The following ROBO1 variants were observed in gnomAD, a reference collection of about 807,000 sequenced individuals.
ROBO1 encodes the protein roundabout guidance receptor 1.
Under a neutral mutation model 195.9 loss-of-function variants are expected in ROBO1, and 149 were observed. That is an observed-to-expected ratio of 0.76 (90% CI 0.67 to 0.87). The LOEUF is 0.87. ROBO1 is among the 40% of genes least tolerant of loss of function. The pLI, the probability that ROBO1 is intolerant of heterozygous loss-of-function variation, is 0.00. For synonymous variants in ROBO1, 816 were observed against 733.2 expected, an observed-to-expected ratio of 1.11 and a Z score of -1.82; for missense variants, 1,933 against 2,068.3, an observed-to-expected ratio of 0.93 and a Z score of 1.27.
chr3:79,009,956 A>T (rs1216504064), intron 3 of ROBO1, among the ~76,000 whole-genome samples: 5 of 152,192 alleles, frequency 3.3e-5, no homozygotes, highest in Non-Finnish European at 7.3e-5. Context: ...TTTCAAATTT[A>T]TTCCACAAAC....
intron 1 of ROBO1, among the ~76,000 whole-genome samples, chr3:79,728,276 CT>C (rs935170054): frequency 1.3e-4 from 20 of 151,868 alleles, no homozygotes; most frequent in African/African-American, 4.6e-4. Context: ...GGTATCTCAC[CT>C]TTTGGTAGAT....
At chr3:78,946,551 A>C (rs374514735) in intron 3 of ROBO1, among the ~76,000 whole-genome samples, 1 of 152,202 alleles carries the variant, frequency 6.6e-6, no homozygotes, top group African/African-American at 2.4e-5. Flanking sequence ...ACAACTGGTA[A>C]CAGCCACTGC....
At chr3:79,089,889 T>C (rs2079443294) in intron 3 of ROBO1, among the ~76,000 whole-genome samples, 1 of 152,088 alleles carries the variant, frequency 6.6e-6, no homozygotes, top group East Asian at 1.9e-4. Context: ...ACGACAGTTG[T>C]TTGCATTTTG....
chr3:79,449,512 G>T (rs1171508068), intron 2 of ROBO1, among the ~76,000 whole-genome samples: 1 of 152,088 alleles, frequency 6.6e-6, no homozygotes, highest in African/African-American at 2.4e-5. Flanking sequence ...ACGACCCTGT[G>T]TACATTTTGA....
chr3:78,793,533 A>T (rs887875147), intron 4 of ROBO1, among the ~76,000 whole-genome samples: 1 of 152,194 alleles, frequency 6.6e-6, no homozygotes, highest in Non-Finnish European at 1.5e-5. Context: ...GTCTAATTGC[A>T]GGTACATGAT....
intron 8 of ROBO1, among the ~76,000 whole-genome samples, chr3:78,703,886 A>G (rs928519154): frequency 6.6e-6 from 1 of 152,084 alleles, no homozygotes; most frequent in African/African-American, 2.4e-5. Context: ...TAGTGACTTT[A>G]GTGGGCATCT....
At chr3:79,390,376 G>A (rs560474523) in intron 2 of ROBO1, among the ~76,000 whole-genome samples, 2 of 152,200 alleles carry the variant, frequency 1.3e-5, no homozygotes, top group East Asian at 3.9e-4. Context: ...GGATTAGCAA[G>A]TGACTCTACA....
intron 3 of ROBO1, among the ~76,000 whole-genome samples, chr3:78,991,640 G>T (rs925696270): frequency 3.9e-5 from 6 of 152,196 alleles, no homozygotes; most frequent in Non-Finnish European, 8.8e-5. Flanking sequence ...CTTCCTTGCT[G>T]ATCCCAGTAA....
At chr3:78,616,565 G>A (rs1443721603) in intron 27 of ROBO1, among the ~76,000 whole-genome samples, 1 of 151,894 alleles carries the variant, frequency 6.6e-6, no homozygotes, top group Admixed American at 6.6e-5. Context: ...AAAAAATAAT[G>A]GCCAATCCAA....
At chr3:79,150,839 G>A (rs1159188267) in intron 2 of ROBO1, among the ~76,000 whole-genome samples, 1 of 151,654 alleles carries the variant, frequency 6.6e-6, no homozygotes, top group African/African-American at 2.4e-5. Flanking sequence ...AAATCTCACT[G>A]AAGGATAGAA....
At chr3:79,229,667 C>T (rs2082287858) in intron 2 of ROBO1, among the ~76,000 whole-genome samples, 1 of 152,074 alleles carries the variant, frequency 6.6e-6, no homozygotes, top group Non-Finnish European at 1.5e-5. Flanking sequence ...AGGCTGATCT[C>T]AAACCCCTCC....
At chr3:78,708,785 T>C (rs927300928) in intron 8 of ROBO1, among the ~76,000 whole-genome samples, 1 of 152,176 alleles carries the variant, frequency 6.6e-6, no homozygotes, top group Non-Finnish European at 1.5e-5. Context: ...TTACAAATAC[T>C]GTATGTAGTA....
chr3:78,917,099 G>GT (rs756798186), intron 4 of ROBO1, among the ~76,000 whole-genome samples: 3,091 of 127,246 alleles, frequency 0.024, 109 homozygotes, highest in Middle Eastern at 0.14. Flanking sequence ...TTTGTTTTTC[G>GT]TTTTTTTTTT....
chr3:79,432,561 T>C (rs923996595), intron 2 of ROBO1, among the ~76,000 whole-genome samples: 1 of 152,142 alleles, frequency 6.6e-6, no homozygotes, highest in Non-Finnish European at 1.5e-5. Context: ...GAGCAAAGCA[T>C]GATAACATTT....
intron 1 of ROBO1, among the ~76,000 whole-genome samples, chr3:79,763,166 C>T (rs73128518): frequency 6.6e-6 from 1 of 152,080 alleles, no homozygotes; most frequent in Non-Finnish European, 1.5e-5. Context: ...AGGAGCAATG[C>T]ATGGACAAGA....
Position 79,204,429 on chromosome 3 carries a change from CTTTA to C in ROBO1, c.89-78894_89-78891del, listed in dbSNP as rs1304298301. On this transcript the variant is annotated intron_variant, in intron 2 of 30. Coordinates refer to ENST00000464233, the MANE Select transcript of ROBO1 (RefSeq NM_002941.4). The stretch of plus-strand genomic sequence containing the variant: ...TATTCTTTAGTGTGTAACCTCCATT[CTTTA>C]TTTATCTATTCCCCAGTGGCGGCTG... Among the ~76,000 whole-genome samples the C allele has an allele frequency of 7.9e-5, 12 of 151,984 alleles. No homozygotes were observed. The East Asian group carries it at 1.7e-3, about 22-fold the overall frequency.
chr3:78,976,284 C>G (rs1023395811), intron 3 of ROBO1, among the ~76,000 whole-genome samples: 6 of 152,168 alleles, frequency 3.9e-5, no homozygotes, highest in African/African-American at 1.2e-4. Flanking sequence ...TCCCAAAGTT[C>G]AGACAGGAGC....
intron 1 of ROBO1, among the ~76,000 whole-genome samples, chr3:79,767,311 C>A (rs947553251): frequency 6.6e-6 from 1 of 152,254 alleles, no homozygotes; most frequent in Non-Finnish European, 1.5e-5. Context: ...CCCACTACAC[C>A]GCTGATGCTC....
At chr3:79,657,832 G>A (rs745403549) in intron 1 of ROBO1, among the ~76,000 whole-genome samples, 1 of 151,916 alleles carries the variant, frequency 6.6e-6, no homozygotes, top group Non-Finnish European at 1.5e-5. Context: ...CTTGAAACCC[G>A]GTTTGAAGCT....
Sources: allele counts gnomAD v4.1 joint callset (sites outside exome capture counted in the v4.1 genomes callset), GRCh38; gene constraint gnomAD v4.1.1; transcripts MANE v1.5; gene names NCBI Gene and HGNC (gene_info 2026-07-23, HGNC 2026-07-21).